The following PCDHGA5 variants were observed in gnomAD, a reference collection of about 807,000 sequenced individuals.
PCDHGA5 encodes the protein protocadherin gamma subfamily A, 5.
A neutral mutation model predicts 56.7 loss-of-function variants in PCDHGA5; 36 were observed. The observed-to-expected ratio is 0.64, with a 90% CI of 0.49 to 0.84. The LOEUF is 0.84. Ranked by LOEUF, PCDHGA5 falls within the 40% of genes least tolerant of loss-of-function variation. The probability of loss-of-function intolerance (pLI) is 0.00; values close to 1 mark genes in which losing one functional copy is unlikely to be tolerated. For missense variants in PCDHGA5, 1,305 were observed against 1,201.5 expected (o/e 1.09, Z -1.27); for synonymous variants, 563 against 520.2 (o/e 1.08, Z -1.12).
At chr5:141,394,467 G>A (rs558211393) in intron 1 of PCDHGA5, 3 of 1,614,238 alleles carry the variant, frequency 1.9e-6, no homozygotes, top group Admixed American at 1.7e-5. Flanking sequence ...GAGCCTGTTC[G>A]TGCTGGACCA....
chr5:141,393,086 T>C (rs533530561), intron 1 of PCDHGA5: 1 of 1,613,614 alleles, frequency 6.2e-7, no homozygotes, highest in Non-Finnish European at 8.5e-7. Flanking sequence ...GCAGGATAGA[T>C]CGGGAGGAGC....
At chr5:141,468,841 G>C (rs1189145481) in intron 1 of PCDHGA5, among the ~76,000 whole-genome samples, 3 of 152,014 alleles carry the variant, frequency 2.0e-5, no homozygotes, top group Non-Finnish European at 4.4e-5. Flanking sequence ...ACTCCAGCCT[G>C]GGCAACAGAG....
intron 1 of PCDHGA5, among the ~76,000 whole-genome samples, chr5:141,473,907 C>T (rs552055360): frequency 2.0e-4 from 30 of 152,220 alleles, no homozygotes; most frequent in African/African-American, 7.2e-4. Context: ...ATGAAGAGGT[C>T]TTAAGAAAAC....
At chr5:141,416,993 C>T (rs1230909560) in intron 1 of PCDHGA5, 1 of 151,494 alleles carries the variant, frequency 6.6e-6, no homozygotes, top group Non-Finnish European at 1.5e-5. Context: ...ATTGTGCATT[C>T]ATCTCAAATA....
intron 1 of PCDHGA5, among the ~76,000 whole-genome samples, chr5:141,430,064 A>T (rs1482609618): frequency 6.6e-6 from 1 of 152,190 alleles, no homozygotes; most frequent in Non-Finnish European, 1.5e-5. Flanking sequence ...TATCATTTTT[A>T]GGTTTCCATA....
chr5:141,402,854 C>A, intron 1 of PCDHGA5: 2 of 1,423,530 alleles, frequency 1.4e-6, no homozygotes, highest in Non-Finnish European at 1.8e-6. Flanking sequence ...CCTCTTTCTT[C>A]TAAGGAAAAG....
rs578223384 is a variant in PCDHGA5, at chr5:141,400,070, C to A, written c.2421+33319C>A. 4 of 1,613,804 alleles carry A rather than the reference C, an allele frequency of 2.5e-6. No individual in the cohort carries two copies. The African/African-American group carries it at 4.0e-5, about 16-fold the overall frequency. On this transcript the variant is annotated intron_variant, in intron 1 of 3. Transcript: ENST00000518069. ...GTTGCTGTGCGTGATGGTGGACAGC[C>A]GCCACTCTCCGCCACCGCCACGCTG...
chr5:141,395,022 G>T, intron 1 of PCDHGA5: 1 of 1,614,128 alleles, frequency 6.2e-7, no homozygotes, highest in Non-Finnish European at 8.5e-7. Context: ...AGGCGTGCCT[G>T]CCTCACATTT....
chr5:141,372,611 T>C, intron 1 of PCDHGA5: 5 of 1,613,998 alleles, frequency 3.1e-6, no homozygotes, highest in Non-Finnish European at 4.2e-6. Flanking sequence ...TACCTGGAGT[T>C]CTCCCCACCT....
chr5:141,390,196 T>C (rs1416526939), intron 1 of PCDHGA5: 2 of 1,613,930 alleles, frequency 1.2e-6, no homozygotes, highest in African/African-American at 2.7e-5. Context: ...AGTGAGCAGT[T>C]GAGTTCAGGA....
chr5:141,418,016 G>C (rs772945671), intron 1 of PCDHGA5: 1 of 1,613,968 alleles, frequency 6.2e-7, no homozygotes, highest in Non-Finnish European at 8.5e-7. Context: ...CCTCGCTAAG[G>C]ATCTAGGGCT....
chr5:141,415,045 G>T, intron 1 of PCDHGA5: 1 of 1,613,538 alleles, frequency 6.2e-7, no homozygotes, highest in East Asian at 2.2e-5. Context: ...CTTCGCGGTG[G>T]GGGAGCACAC....
chr5:141,426,772 C>T, intron 1 of PCDHGA5: 1 of 456,686 alleles, frequency 2.2e-6, no homozygotes, highest in South Asian at 1.5e-5. Context: ...GATGTAGGGC[C>T]TCACTCTCTC....
At chr5:141,374,714 G>T (rs1236113306) in intron 1 of PCDHGA5, 1 of 1,609,850 alleles carries the variant, frequency 6.2e-7, no homozygotes, top group Non-Finnish European at 8.5e-7. Flanking sequence ...TTACCGCCTG[G>T]TCCTTACTGC....
At chr5:141,400,036 C>G (rs1232257433) in intron 1 of PCDHGA5, 28 of 1,613,256 alleles carry the variant, frequency 1.7e-5, no homozygotes, top group Non-Finnish European at 2.4e-5. Context: ...GGCCCGCCAG[C>G]GCCTGCTGGT....
intron 1 of PCDHGA5, among the ~76,000 whole-genome samples, chr5:141,466,916 GT>G (rs1204028461): frequency 6.6e-6 from 1 of 152,010 alleles, no homozygotes; most frequent in Non-Finnish European, 1.5e-5. Context: ...AAAACTCCTT[GT>G]ATTAGGAATA....
Position 141,366,401 on chromosome 5 carries a change from C to T in PCDHGA5, c.2071C>T (p.Leu691Phe), listed in dbSNP as rs770890042. Residue 691 changes from leucine to phenylalanine, a missense_variant, in exon 1 of 4, where the codon CTC becomes TTC. Leu to Phe is a conservative substitution (Grantham distance 22, BLOSUM62 0). Transcript: ENST00000518069. ...PIDPEDLDLT[L>F]YLVVAVAAVS... is the part of the protein sequence containing the mutation. ...TGACCCTGAGGATCTGGACCTCACA[C>T]TCTATCTTGTGGTGGCAGTGGCTGC... The T allele has an allele frequency of 1.4e-5, 22 of 1,614,202 alleles. No individual in the cohort carries two copies. In the East Asian group the frequency reaches 4.5e-4, roughly 33 times the overall value.
At chr5:141,370,444 T>C in intron 1 of PCDHGA5, 2 of 1,607,792 alleles carry the variant, frequency 1.2e-6, no homozygotes, top group Non-Finnish European at 1.7e-6. Context: ...AGGCGAATGC[T>C]ATTTCTCTTC....
At position 141,418,260 on chromosome 5, in the gene PCDHGA5, G is replaced by C. The variant is rs144490159; in HGVS notation, c.2421+51509G>C. On this transcript the variant is annotated intron_variant, in intron 1 of 3. Transcript: ENST00000518069. Reference sequence around the variant, plus strand: ...GTTAATGACCACGCCCCTCAATTCCGGAAAGATGAAATAAACTTAGAAATC... The same window carrying C: ...GTTAATGACCACGCCCCTCAATTCCCGAAAGATGAAATAAACTTAGAAATC... 2.5e-6 allele frequency: 4 copies of C among 1,613,888 alleles called. No individual in the cohort carries two copies. Among genetic ancestry groups the C allele is most frequent in the South Asian group, 1.1e-5 (1 of 91,088 alleles).
Sources: allele counts gnomAD v4.1 joint callset (sites outside exome capture counted in the v4.1 genomes callset), GRCh38; gene constraint gnomAD v4.1.1; transcripts MANE v1.5; gene names NCBI Gene and HGNC (gene_info 2026-07-23, HGNC 2026-07-21).